The following RIMS3 variants were observed in gnomAD, a reference collection of about 807,000 sequenced individuals.
The protein encoded by RIMS3 is regulating synaptic membrane exocytosis protein 3.
A neutral mutation model predicts 29.2 loss-of-function variants in RIMS3; 15 were observed. That is an observed-to-expected ratio of 0.51 (90% CI 0.34 to 0.79). The LOEUF is 0.79. Ranked by LOEUF, RIMS3 falls within the 30% of genes least tolerant of loss-of-function variation. The pLI is 0.01. For synonymous variants in RIMS3, 161 were observed against 170.1 expected (o/e 0.95, Z 0.41); for missense variants, 342 against 421.4 (o/e 0.81, Z 1.65).
rs541276162 is a variant in RIMS3, at chr1:40,640,313, C to T, written c.217+1396G>A. 1.1e-4 allele frequency among the ~76,000 whole-genome samples: 16 copies of T among 152,260 alleles called. No homozygotes were observed. The South Asian group carries it at 3.3e-3, about 32-fold the overall frequency. ...AACTGCATATTCACAGAGGCCATGC[C>T]CACTCTAGGGCTCTGATAACCTCAA... On this transcript the variant is annotated intron_variant, in intron 3 of 7. Coordinates refer to ENST00000372684, the MANE Select transcript of RIMS3 (RefSeq NM_014747.3).
chr1:40,679,494 A>G, the RIMS3 span, among the ~76,000 whole-genome samples: 1 of 152,234 alleles, frequency 6.6e-6, no homozygotes, highest in Non-Finnish European at 1.5e-5. Flanking sequence ...CTTAAAGGCC[A>G]TATGTATTGG....
chr1:40,651,187 G>A (rs1211215246), intron 1 of RIMS3, among the ~76,000 whole-genome samples: 6 of 152,282 alleles, frequency 3.9e-5, no homozygotes, highest in Middle Eastern at 3.4e-3. Flanking sequence ...AAACACGGTC[G>A]TTGCAGATGT....
chr1:40,670,340 T>TCCC (rs1225280873), upstream of RIMS3, among the ~76,000 whole-genome samples: 1 of 151,698 alleles, frequency 6.6e-6, no homozygotes, highest in Non-Finnish European at 1.5e-5. Flanking sequence ...CAGGGAGATC[T>TCCC]TTGAATGCTC....
the RIMS3 span, among the ~76,000 whole-genome samples, chr1:40,688,042 G>GC: frequency 6.6e-6 from 1 of 152,132 alleles, no homozygotes; most frequent in South Asian, 2.1e-4. Flanking sequence ...TCGGCTCATT[G>GC]CAACCTCTGC....
the RIMS3 span, chr1:40,690,463 T>C: frequency 6.6e-6 from 1 of 152,192 alleles, no homozygotes; most frequent in Non-Finnish European, 1.5e-5. Context: ...ATAACACTTT[T>C]GCAATTTACG....
At chr1:40,631,660 A>C (rs1469582880) in intron 5 of RIMS3, among the ~76,000 whole-genome samples, 2 of 151,512 alleles carry the variant, frequency 1.3e-5, no homozygotes, top group African/African-American at 4.9e-5. Flanking sequence ...GCCTGGTGAC[A>C]GAGCGAGGCT....
chr1:40,639,344 G>A lies in RIMS3; in HGVS notation c.217+2365C>T, dbSNP rs574452093. On this transcript the variant is annotated intron_variant, in intron 3 of 7. Transcript: ENST00000372684. ...ATGCTCCCACCCATGAGGTGGGTCCGAGCTGGGATACTGGCATCCTCAAGG... is the reference window on the plus strand; with the variant it reads ...ATGCTCCCACCCATGAGGTGGGTCCAAGCTGGGATACTGGCATCCTCAAGG... 1.5e-4 allele frequency among the ~76,000 whole-genome samples: 23 copies of A among 152,332 alleles called. No homozygotes were observed. In the South Asian group the frequency reaches 2.1e-3, roughly 14 times the overall value.
In RIMS3 at chr1:40,665,519, C is replaced by G. The variant is rs1642411387; in HGVS notation, c.-332G>C. The G allele has an allele frequency of 6.6e-6, 1 of 152,216 alleles. No individual in the cohort carries two copies. The highest frequency in any genetic ancestry group is 1.5e-5 in the Non-Finnish European group (1 of 68,064). 9.4% of individuals were successfully genotyped at this position (152,216 alleles called of 1,614,324 possible). ...CCCGGCAGTAGGCGCGGCCCGGCCC[C>G]AGGCTGGCGCGGACTCCGAGTGGAT... On this transcript the variant is annotated 5_prime_UTR_variant, in exon 1 of 8. Transcript: ENST00000372684.
intron 5 of RIMS3, among the ~76,000 whole-genome samples, chr1:40,631,509 C>T (rs1303742170): frequency 6.6e-6 from 1 of 151,948 alleles, no homozygotes; most frequent in Non-Finnish European, 1.5e-5. Flanking sequence ...CCCGTCTCTA[C>T]TAAAATACAA....
intron 4 of RIMS3, among the ~76,000 whole-genome samples, chr1:40,633,735 T>C (rs915981363): frequency 1.3e-5 from 2 of 152,170 alleles, no homozygotes. Context: ...CTAGAAACAG[T>C]AACAAGAAAA....
chr1:40,686,813 C>T, the RIMS3 span, among the ~76,000 whole-genome samples: 3 of 152,136 alleles, frequency 2.0e-5, no homozygotes, highest in East Asian at 1.9e-4. Context: ...TTCAGGCCCT[C>T]GCCCTCATTA....
At chr1:40,689,742 G>A in the RIMS3 span, among the ~76,000 whole-genome samples, 1 of 152,136 alleles carries the variant, frequency 6.6e-6, no homozygotes, top group Non-Finnish European at 1.5e-5. Context: ...CTATAGCAAG[G>A]ACTAATATTA....
chr1:40,641,262 G>A (rs1351567929), intron 3 of RIMS3, among the ~76,000 whole-genome samples: 1 of 152,166 alleles, frequency 6.6e-6, no homozygotes, highest in African/African-American at 2.4e-5. Flanking sequence ...TGTGAACCCT[G>A]CACCCAGCAC....
At chr1:40,651,035 A>C (rs756392154) in intron 1 of RIMS3, among the ~76,000 whole-genome samples, 2 of 152,002 alleles carry the variant, frequency 1.3e-5, no homozygotes, top group Non-Finnish European at 2.9e-5. Flanking sequence ...TTTGAAGGTC[A>C]TTTCCTAGGA....
At chr1:40,652,531 G>A (rs1467660629) in intron 1 of RIMS3, among the ~76,000 whole-genome samples, 1 of 152,216 alleles carries the variant, frequency 6.6e-6, no homozygotes, top group Non-Finnish European at 1.5e-5. Flanking sequence ...GTTTTGGAGA[G>A]GAGAGGCAGA....
chr1:40,691,727 G>A, the RIMS3 span: 6 of 455,240 alleles, frequency 1.3e-5, no homozygotes, highest in African/African-American at 1.0e-4. Flanking sequence ...CCGCCATCTT[G>A]CTTGTGCCCC....
the RIMS3 span, among the ~76,000 whole-genome samples, chr1:40,685,014 A>G: frequency 1.6e-4 from 24 of 152,154 alleles, no homozygotes; most frequent in East Asian, 3.9e-4. Flanking sequence ...TTGGTCAGCT[A>G]TGTCTGTTGT....
chr1:40,657,575 G>C (rs148436855), intron 1 of RIMS3, among the ~76,000 whole-genome samples: 79 of 152,002 alleles, frequency 5.2e-4, no homozygotes, highest in Admixed American at 5.0e-3. Context: ...GTGAAACCCT[G>C]TCTCTACAAA....
intron 2 of RIMS3, among the ~76,000 whole-genome samples, chr1:40,644,999 G>A (rs474419): frequency 0.14 from 21,485 of 152,244 alleles, 1,730 homozygotes; most frequent in African/African-American, 0.21. Context: ...CATGGCTCCT[G>A]CCAGCCTGGC....
Sources: allele counts gnomAD v4.1 joint callset (sites outside exome capture counted in the v4.1 genomes callset), GRCh38; gene constraint gnomAD v4.1.1; transcripts MANE v1.5; gene names NCBI Gene and HGNC (gene_info 2026-07-23, HGNC 2026-07-21).